The following SLC26A8 variants were observed in gnomAD, a reference collection of about 807,000 sequenced individuals.
The protein encoded by SLC26A8 is solute carrier family 26 member 8, also known as testis anion transporter 1.
SLC26A8 carries 70 observed loss-of-function variants against 105.0 expected under a neutral mutation model. That is an observed-to-expected ratio of 0.67 (90% CI 0.55 to 0.81). The LOEUF (loss-of-function observed/expected upper bound fraction) is 0.81. SLC26A8 is among the 40% of genes least tolerant of loss of function. The probability of loss-of-function intolerance (pLI) is 0.00; values close to 1 mark genes in which losing one functional copy is unlikely to be tolerated. For synonymous variants in SLC26A8, 415 were observed against 438.3 expected (o/e 0.95, Z 0.66); for missense variants, 998 against 1,181.8 (o/e 0.84, Z 2.28).
At position 35,992,653 on chromosome 6, in the gene SLC26A8, A is replaced by G; in HGVS notation, c.649T>C (p.Leu217=). 1 of 1,612,788 alleles carries G rather than the reference A, an allele frequency of 6.2e-7. No individual in the cohort carries two copies. Among genetic ancestry groups the G allele is most frequent in the East Asian group, 2.2e-5 (1 of 44,838 alleles). ...IIQLIMGVLG[L]GFIATYLPES... is the part of the protein sequence containing the mutation. ...GGAAGGTAAGTGGCAATGAAGCCCA[A>G]ACCCAATACGCCCATTATTAGCTGC... The change falls in exon 6 of 20, where the codon TTG becomes CTG. Residue 217 remains leucine (L), a synonymous_variant. Transcript: ENST00000490799.
intron 19 of SLC26A8, among the ~76,000 whole-genome samples, chr6:35,947,403 T>A (rs1771713277): frequency 6.6e-6 from 1 of 152,204 alleles, no homozygotes; most frequent in African/African-American, 2.4e-5. Flanking sequence ...TCATCATTAT[T>A]ACTTGTTCTG....
At chr6:35,962,705 A>G in intron 11 of SLC26A8, 84 bp from the exon 12 acceptor site, 1 of 1,281,568 alleles carries the variant, frequency 7.8e-7, no homozygotes. Context: ...ACAAAAAGTT[A>G]GCCTTGCCAC....
At chr6:35,973,079 T>A (rs2127318157) in intron 10 of SLC26A8, among the ~76,000 whole-genome samples, 1 of 152,364 alleles carries the variant, frequency 6.6e-6, no homozygotes, top group Non-Finnish European at 1.5e-5. Flanking sequence ...AAAATCGTCC[T>A]CATTCTGCAC....
intron 3 of SLC26A8, among the ~76,000 whole-genome samples, chr6:36,005,983 C>T (rs890621593): frequency 2.6e-5 from 4 of 152,148 alleles, no homozygotes; most frequent in African/African-American, 9.7e-5. Context: ...AAATTATTGT[C>T]ATCAGGTATT....
At chr6:35,988,206 C>T (rs1333647703) in intron 7 of SLC26A8, among the ~76,000 whole-genome samples, 2 of 152,090 alleles carry the variant, frequency 1.3e-5, no homozygotes, top group Non-Finnish European at 2.9e-5. Context: ...CCACCGTGCC[C>T]GGCCCCGAAT....
intron 6 of SLC26A8, 72 bp downstream of exon 6, chr6:35,992,438 C>T: frequency 6.6e-7 from 1 of 1,512,416 alleles, no homozygotes; most frequent in Non-Finnish European, 9.0e-7. Context: ...AGTCTCCCTA[C>T]TGAGCTCCAC....
chr6:36,012,114 T>C (rs1761875564), intron 3 of SLC26A8, 119 bp downstream of exon 3: 7 of 1,359,296 alleles, frequency 5.1e-6, no homozygotes, highest in East Asian at 2.4e-5. Context: ...ATGGTAATGC[T>C]GTGAATAAAA....
At chr6:36,020,481 A>T (rs1391702055) in intron 1 of SLC26A8, among the ~76,000 whole-genome samples, 2 of 152,186 alleles carry the variant, frequency 1.3e-5, no homozygotes, top group African/African-American at 4.8e-5. Context: ...TTAGCTGGGC[A>T]TGATGGCATG....
chr6:35,987,911 C>CTTTTT (rs34557500), intron 7 of SLC26A8, among the ~76,000 whole-genome samples: 3 of 132,054 alleles, frequency 2.3e-5, no homozygotes, highest in Admixed American at 7.8e-5. Flanking sequence ...ACCTTTCTTT[C>CTTTTT]TTTTTTTTTT....
In SLC26A8 at chr6:35,985,874, A is replaced by G. The variant is rs575829966; in HGVS notation, c.943-3671T>C. ...ATTGTTTCCCGAGCTCTAGAGCACC[A>G]TTTGTATCCAGGGTTTTGTTTTTAA... is the stretch of plus-strand genomic sequence containing the variant. On this transcript the variant is annotated intron_variant, in intron 7 of 19. Transcript: ENST00000490799. Among the ~76,000 whole-genome samples, 7 of 151,934 alleles carry G rather than the reference A, an allele frequency of 4.6e-5. No homozygotes were observed. In the South Asian group the frequency reaches 1.5e-3, roughly 32 times the overall value.
At chr6:35,955,032 G>T in intron 17 of SLC26A8, 120 bp downstream of exon 17, 3 of 1,152,310 alleles carry the variant, frequency 2.6e-6, no homozygotes, top group South Asian at 1.4e-5. Flanking sequence ...CCAAGGCTCT[G>T]GTGGCCTAGC....
At position 35,988,839 on chromosome 6, in the gene SLC26A8, CG is replaced by C. The variant is rs1271600642; in HGVS notation, c.942+2819del. Among the ~76,000 whole-genome samples the C allele has an allele frequency of 4.3e-5, 6 of 138,528 alleles. No individual in the cohort carries two copies. The East Asian group carries it at 9.9e-4, about 23-fold the overall frequency. The allele number at this position is 138,528 out of a possible 152,430, so 90.9% of individuals were successfully genotyped here. On this transcript the variant is annotated intron_variant, in intron 7 of 19. Transcript: ENST00000490799. ...CAGCTTTTAGATATACAGTTCTATACGGTTTTTTTTTTTTTTTTTGAGACGG... is the reference window on the plus strand; with the variant it reads ...CAGCTTTTAGATATACAGTTCTATACGTTTTTTTTTTTTTTTTTGAGACGG...
intron 16 of SLC26A8, among the ~76,000 whole-genome samples, chr6:35,958,689 C>T (rs1371669911): frequency 1.3e-5 from 2 of 152,046 alleles, no homozygotes; most frequent in African/African-American, 4.8e-5. Flanking sequence ...CAGGGTTTTG[C>T]AAGCACCTGC....
rs1581634524 is a variant in SLC26A8 at position 35,961,086 on chromosome 6, A to G, written c.1475T>C (p.Met492Thr). Residue 492 changes from methionine (M) to threonine (T), a missense_variant, in exon 13 of 20, where the codon ATG (methionine) becomes ACG (threonine). Coordinates refer to ENST00000490799, the MANE Select transcript of SLC26A8 (RefSeq NM_052961.4). ...CAGGAAAATTGAAGATGAGAATGTC[A>G]TCATCCAAAGAGCCTTATGGAAAAG... ...QDQYDCALWM[M>T]TFSSSIFLGL... 1 of 1,613,746 alleles carries G rather than the reference A, an allele frequency of 6.2e-7. No individual in the cohort carries two copies. The highest frequency in any genetic ancestry group is 8.5e-7 in the Non-Finnish European group (1 of 1,179,808).
chr6:35,982,334 C>T (rs1773306592), intron 7 of SLC26A8, 131 bp from the exon 8 acceptor site: 3 of 775,784 alleles, frequency 3.9e-6, no homozygotes, highest in Non-Finnish European at 6.4e-6. Context: ...CCTATGCATG[C>T]AAGTTGGAGA....
At chr6:36,022,568 C>T (rs1018429602) in intron 1 of SLC26A8, among the ~76,000 whole-genome samples, 2 of 152,058 alleles carry the variant, frequency 1.3e-5, no homozygotes, top group African/African-American at 4.8e-5. Flanking sequence ...TGAGGCAAAA[C>T]AGCCAATTGG....
intron 10 of SLC26A8, among the ~76,000 whole-genome samples, chr6:35,971,137 A>G (rs535648524): frequency 6.6e-6 from 1 of 152,326 alleles, no homozygotes; most frequent in Non-Finnish European, 1.5e-5. Context: ...GAGGCCTGCC[A>G]ATAATTGTGT....
intron 7 of SLC26A8, among the ~76,000 whole-genome samples, chr6:35,987,658 A>G (rs149137302): frequency 0.1 from 15,478 of 152,172 alleles, 923 homozygotes; most frequent in Middle Eastern, 0.14. Flanking sequence ...GGCGTGAGCC[A>G]CCGCTCCCAG....
At position 35,944,360 on chromosome 6, in the gene SLC26A8, G is replaced by C. The variant is rs750933574; in HGVS notation, c.2473-20C>G. On this transcript the variant is annotated intron_variant, in intron 19 of 19. Transcript: ENST00000490799. ...GTCATTCTGAAATACAATTAGGTGG[G>C]TTAAAATTTCTAATTAAATTTAACC... 6.5e-7 allele frequency: 1 copy of C among 1,550,220 alleles called. No individual in the cohort carries two copies. The highest frequency in any genetic ancestry group is 8.9e-7 in the Non-Finnish European group (1 of 1,126,778).
Sources: allele counts gnomAD v4.1 joint callset (sites outside exome capture counted in the v4.1 genomes callset), GRCh38; gene constraint gnomAD v4.1.1; transcripts MANE v1.5; gene names NCBI Gene and HGNC (gene_info 2026-07-23, HGNC 2026-07-21).